The following ESCO2 variants were observed in gnomAD, a reference collection of about 807,000 sequenced individuals.
ESCO2 encodes the protein establishment of sister chromatid cohesion N-acetyltransferase 2.
ESCO2 carries 51 observed loss-of-function variants against 61.7 expected under a neutral mutation model. The ratio of observed to expected loss-of-function variants is 0.83; its 90% CI spans 0.66 to 1.04. The LOEUF is 1.04. Ranked by LOEUF, ESCO2 falls within the 50% of genes least tolerant of loss-of-function variation. ESCO2 has a pLI of 0.00. For missense variants in ESCO2, 692 were observed against 686.2 expected (o/e 1.01, Z -0.09); for synonymous variants, 230 against 238.2 (o/e 0.97, Z 0.32).
chr8:27,782,640 T>C (rs1804949929), intron 4 of ESCO2, among the ~76,000 whole-genome samples: 1 of 151,828 alleles, frequency 6.6e-6, no homozygotes, highest in Admixed American at 6.6e-5. Flanking sequence ...TATCAGCTCA[T>C]GCCATTCTTC....
downstream of ESCO2, among the ~76,000 whole-genome samples, chr8:27,816,161 A>G (rs889802552): frequency 1.8e-4 from 27 of 151,924 alleles, no homozygotes; most frequent in Non-Finnish European, 4.4e-5. Flanking sequence ...TTGTATCATA[A>G]CTGTCATCTT....
intron 9 of ESCO2, among the ~76,000 whole-genome samples, chr8:27,794,791 T>C (rs144063241): frequency 6.6e-6 from 1 of 152,204 alleles, no homozygotes; most frequent in Admixed American, 6.5e-5. Flanking sequence ...TTCTTCTGTT[T>C]GTGGATATTC....
intron 6 of ESCO2, among the ~76,000 whole-genome samples, chr8:27,788,224 A>G (rs1292020489): frequency 1.3e-5 from 2 of 149,920 alleles, no homozygotes; most frequent in Non-Finnish European, 3.0e-5. Flanking sequence ...TAATTTTAAT[A>G]TTGTTTAAAA....
In ESCO2 at chr8:27,792,744, A is replaced by G; in HGVS notation, c.1430A>G (p.Lys477Arg). The stretch of plus-strand genomic sequence containing the variant: ...GTTCCTAAATGTCCAAACAAAATAA[A>G]AACTTTTCTTTTTATATCTGATGAA... ...QVVPKCPNKI[K>R]TFLFISDEKR... Residue 477 changes from lysine (K) to arginine (R), a missense_variant, in exon 9 of 11, where the codon AAA becomes AGA. Physicochemically the swap from Lys to Arg is conservative, Grantham distance 26. Coordinates refer to ENST00000305188, the MANE Select transcript of ESCO2 (RefSeq NM_001017420.3). 6.2e-7 allele frequency: 1 copy of G among 1,611,310 alleles called. No individual in the cohort carries two copies. Among genetic ancestry groups the G allele is most frequent in the East Asian group, 2.2e-5 (1 of 44,734 alleles).
In ESCO2 at chr8:27,788,887, C is replaced by G. The variant is rs369056136; in HGVS notation, c.1172C>G (p.Ser391Cys). 5 of 1,613,990 alleles carry G rather than the reference C, an allele frequency of 3.1e-6. No individual in the cohort carries two copies. Among genetic ancestry groups the G allele is most frequent in the African/African-American group, 2.7e-5 (2 of 74,910 alleles). ...QKHFGATVCK[S>C]CGMIYTASNP... ...CATTTTGGGGCTACTGTGTGCAAGT[C>G]TTGTGGTATGATATATACTGCTTCC... Residue 391 changes from serine to cysteine, a missense_variant, in exon 7 of 11, where the codon TCT (serine) becomes TGT (cysteine). Physicochemically the swap from Ser to Cys is moderately radical, Grantham distance 112. Coordinates refer to ENST00000305188, the MANE Select transcript of ESCO2 (RefSeq NM_001017420.3).
At chr8:27,774,465 A>G (rs568865995), upstream of ESCO2, 7 of 152,336 alleles carry the variant, frequency 4.6e-5, no homozygotes, top group South Asian at 1.2e-3. Context: ...TGCTCCACCA[A>G]TCACCGAGCC....
intron 10 of ESCO2, among the ~76,000 whole-genome samples, chr8:27,802,630 A>ATAT (rs1358714847): frequency 8.7e-5 from 4 of 45,830 alleles, no homozygotes; most frequent in Non-Finnish European, 1.1e-4. Context: ...AAAAAAAAAA[A>ATAT]ATATATATAT....
intron 7 of ESCO2, among the ~76,000 whole-genome samples, chr8:27,791,391 C>T (rs866089469): frequency 6.6e-6 from 1 of 152,116 alleles, no homozygotes; most frequent in South Asian, 2.1e-4. Flanking sequence ...AACCACCTTC[C>T]CCATTATGCT....
At chr8:27,786,581 C>T (rs984325098) in intron 5 of ESCO2, among the ~76,000 whole-genome samples, 2 of 152,156 alleles carry the variant, frequency 1.3e-5, no homozygotes, top group Non-Finnish European at 2.9e-5. Flanking sequence ...TTTTGGCCTC[C>T]AACAATAGCA....
chr8:27,774,897 C>T (rs1207607951), intron 1 of ESCO2: 1 of 152,908 alleles, frequency 6.5e-6, no homozygotes, highest in African/African-American at 2.4e-5. Context: ...CCTTTCCTCG[C>T]TTAGCCCCAG....
chr8:27,792,569 C>A (rs535595868), intron 8 of ESCO2, 99 bp from the exon 9 acceptor site: 4 of 1,261,506 alleles, frequency 3.2e-6, no homozygotes, highest in East Asian at 5.1e-5. Flanking sequence ...ATTAAAGAGG[C>A]TAAAGTAACA....
chr8:27,773,133 G>A (rs1804691932), upstream of ESCO2, among the ~76,000 whole-genome samples: 2 of 152,122 alleles, frequency 1.3e-5, no homozygotes, highest in Non-Finnish European at 1.5e-5. Flanking sequence ...AGGAATGTGA[G>A]TCCCTTTAAA....
chr8:27,776,623 T>C lies in ESCO2; in HGVS notation c.315T>C (p.Ser105=), dbSNP rs1042167898. ...TGGAGAGAAAGCTGATAAAAGAGAG[T>C]AGATCTACTTGTCTAAAAACTAATG... ...NPLERKLIKE[S]RSTCLKTNDE... Residue 105 remains serine (S), a synonymous_variant, in exon 3 of 11, where the codon AGT becomes AGC. Transcript: ENST00000305188. 1.2e-6 allele frequency: 2 copies of C among 1,613,838 alleles called. No individual in the cohort carries two copies. The highest frequency in any genetic ancestry group is 2.7e-5 in the African/African-American group (2 of 74,932).
At chr8:27,792,159 G>C in intron 8 of ESCO2, 107 bp downstream of exon 8, 1 of 1,005,080 alleles carries the variant, frequency 9.9e-7, no homozygotes, top group East Asian at 2.5e-5. Context: ...TTGGGTACCT[G>C]CTTAATGATT....
At chr8:27,799,950 T>C (rs150900796) in intron 10 of ESCO2, among the ~76,000 whole-genome samples, 72 of 151,332 alleles carry the variant, frequency 4.8e-4, no homozygotes, top group African/African-American at 1.7e-3. Context: ...CTACCTGTGC[T>C]AAAGGACTAG....
intron 9 of ESCO2, among the ~76,000 whole-genome samples, chr8:27,794,319 T>C (rs774685441): frequency 1.3e-5 from 2 of 152,216 alleles, no homozygotes; most frequent in Non-Finnish European, 2.9e-5. Context: ...CGTGAGGTGA[T>C]CTTGTTTTAA....
Position 27,792,061 on chromosome 8 carries a change from C to T in ESCO2, c.1353+9C>T. The T allele has an allele frequency of 6.2e-7, 1 of 1,613,714 alleles. No individual in the cohort carries two copies. On this transcript the variant is annotated intron_variant, in intron 8 of 10. Transcript: ENST00000305188. Reference sequence around the variant, plus strand: ...GCTTTGCTATCAAAAAGGTATGGAACATTATCTTTTTATCTCTTGCCTTTC... The same window carrying T: ...GCTTTGCTATCAAAAAGGTATGGAATATTATCTTTTTATCTCTTGCCTTTC...
At chr8:27,807,097 CTTTT>C (rs1309728036), downstream of ESCO2, among the ~76,000 whole-genome samples, 2 of 152,102 alleles carry the variant, frequency 1.3e-5, no homozygotes, top group African/African-American at 4.8e-5. Flanking sequence ...AATCTTACAG[CTTTT>C]TTGTTCTTAC....
upstream of ESCO2, among the ~76,000 whole-genome samples, chr8:27,773,374 G>A (rs1398110943): frequency 6.6e-6 from 1 of 151,160 alleles, no homozygotes; most frequent in African/African-American, 2.4e-5. Context: ...TGACAGTTGT[G>A]TATCAGCCCA....
Sources: gnomAD v4.1 joint callset for allele counts (sites outside exome capture counted in the v4.1 genomes callset) on GRCh38, gnomAD v4.1.1 for gene constraint, MANE v1.5 for transcripts, NCBI Gene and HGNC (gene_info 2026-07-23, HGNC 2026-07-21) for gene names.